Variants in IRAK1BP1 observed in about 807,000 individuals in gnomAD.
The protein encoded by IRAK1BP1 is interleukin 1 receptor associated kinase 1 binding protein 1.
Under a neutral mutation model 28.0 loss-of-function variants are expected in IRAK1BP1, and 24 were observed. That is an observed-to-expected ratio of 0.86 (90% CI 0.62 to 1.20). The LOEUF (loss-of-function observed/expected upper bound fraction) is 1.20, where lower values mean the gene tolerates loss of function less well. Among genes scored for constraint, IRAK1BP1 ranks in the 50% most tolerant of loss-of-function variants. The pLI is 0.00. For missense variants in IRAK1BP1, 336 were observed against 316.7 expected (o/e 1.06, Z -0.46); for synonymous variants, 131 against 116.3 (o/e 1.13, Z -0.81).
intron 2 of IRAK1BP1, among the ~76,000 whole-genome samples, chr6:78,888,946 T>C (rs115452283): frequency 0.075 from 11,444 of 151,626 alleles, 549 homozygotes; most frequent in African/African-American, 0.13. Context: ...GGTAAAACCC[T>C]TCTCTACAGA....
chr6:78,921,346 T>A (rs1772719855), intron 4 of IRAK1BP1, among the ~76,000 whole-genome samples: 1 of 152,098 alleles, frequency 6.6e-6, no homozygotes, highest in African/African-American at 2.4e-5. Context: ...CAGTCTGAGA[T>A]CAAACAGCAA....
At chr6:78,963,963 C>T in the IRAK1BP1 span, among the ~76,000 whole-genome samples, 3 of 151,108 alleles carry the variant, frequency 2.0e-5, no homozygotes, top group Non-Finnish European at 4.4e-5. Flanking sequence ...AGAACAACAA[C>T]AGTAACCACC....
chr6:78,932,509 C>T (rs1223930294), intron 4 of IRAK1BP1, among the ~76,000 whole-genome samples: 2 of 151,000 alleles, frequency 1.3e-5, no homozygotes, highest in Admixed American at 6.6e-5. Flanking sequence ...GCAACCTCCA[C>T]CTCCCAGGTT....
chr6:78,965,718 G>T, the IRAK1BP1 span: 2 of 1,558,980 alleles, frequency 1.3e-6, no homozygotes, highest in Non-Finnish European at 1.8e-6. Context: ...TTAGGTATAA[G>T]CTCCATATCC....
chr6:78,895,477 A>G (rs766957828), intron 2 of IRAK1BP1, among the ~76,000 whole-genome samples: 4 of 152,220 alleles, frequency 2.6e-5, no homozygotes, highest in African/African-American at 4.8e-5. Context: ...AAATTTAATG[A>G]TTTATACACA....
downstream of IRAK1BP1, among the ~76,000 whole-genome samples, chr6:78,904,495 C>T (rs561621791): frequency 1.3e-5 from 2 of 152,276 alleles, no homozygotes; most frequent in South Asian, 4.1e-4. Context: ...TTTTAGTAAA[C>T]AGATGCTTAA....
In IRAK1BP1 at chr6:78,898,066, G is replaced by A. The variant is rs766684116; in HGVS notation, c.515G>A (p.Arg172Gln). 2.9e-5 allele frequency: 47 copies of A among 1,608,002 alleles called. No homozygotes were observed. Among genetic ancestry groups the A allele is most frequent in the Admixed American group, 3.4e-5 (2 of 59,262 alleles). ...HTPGSVENLR[R>Q]QACLVAVENA... The stretch of plus-strand genomic sequence containing the variant: ...AATCTCTCCATTTAATTCCTAAGAC[G>A]GCAAGCCTGTCTTGTTGCTGTTGAG... The change falls in exon 4 of 4, where the codon CGG becomes CAG. Residue 172 changes from arginine to glutamine, a missense_variant and splice_region_variant. Physicochemically the swap from Arg to Gln is conservative, Grantham distance 43. Transcript: ENST00000369940.
chr6:78,917,202 A>G (rs1030025537), intron 4 of IRAK1BP1, among the ~76,000 whole-genome samples: 4 of 152,118 alleles, frequency 2.6e-5, no homozygotes, highest in Non-Finnish European at 5.9e-5. Flanking sequence ...GAAATGAAGG[A>G]AGAGATAAAC....
intron 1 of IRAK1BP1, among the ~76,000 whole-genome samples, chr6:78,877,705 G>A (rs557487083): frequency 4.9e-4 from 75 of 152,314 alleles, no homozygotes; most frequent in Middle Eastern, 3.4e-3. Flanking sequence ...CACCTTACCC[G>A]GGAAGTGCAA....
At chr6:78,972,602 C>A in the IRAK1BP1 span, among the ~76,000 whole-genome samples, 2 of 152,020 alleles carry the variant, frequency 1.3e-5, no homozygotes, top group African/African-American at 4.8e-5. Context: ...GACATTCAAA[C>A]CAAAGGCAAA....
intron 4 of IRAK1BP1, chr6:78,936,274 G>A (rs528884214): frequency 6.6e-6 from 1 of 151,856 alleles, no homozygotes; most frequent in African/African-American, 2.4e-5. Flanking sequence ...TCACCCTCTA[G>A]GTCAGTTACT....
In IRAK1BP1 at chr6:78,920,602, GC is replaced by G. The variant is rs376578098; in HGVS notation, c.*67+17493del. ...TCCACATGCAGAAGGTTGAAACCAG[GC>G]TCATTCCTTTCACCATATACAAAAA... On this transcript the variant is annotated intron_variant and NMD_transcript_variant, in intron 4 of 4. Transcript: ENST00000606868. Among the ~76,000 whole-genome samples the G allele has an allele frequency of 2.7e-4, 41 of 152,216 alleles. 1 individual carries two copies. Among genetic ancestry groups the G allele is most frequent in the African/African-American group, 8.9e-4 (37 of 41,532 alleles).
the IRAK1BP1 span, among the ~76,000 whole-genome samples, chr6:78,952,427 A>C: frequency 1.4e-5 from 2 of 139,700 alleles, no homozygotes; most frequent in Non-Finnish European, 1.6e-5. Context: ...CAAAAAAAAA[A>C]GAAAAAAAAA....
At chr6:78,912,301 A>C (rs189128482) in intron 4 of IRAK1BP1, among the ~76,000 whole-genome samples, 40 of 152,280 alleles carry the variant, frequency 2.6e-4, no homozygotes, top group Admixed American at 2.2e-3. Context: ...GACAAAAGAA[A>C]GTGGAAGGGG....
At chr6:78,951,271 A>G (rs1382477927), downstream of IRAK1BP1, among the ~76,000 whole-genome samples, 2 of 152,178 alleles carry the variant, frequency 1.3e-5, no homozygotes, top group South Asian at 2.1e-4. Flanking sequence ...TTCTTGGCTC[A>G]TATCTTGGGC....
At chr6:78,947,951 TC>T (rs11370597), downstream of IRAK1BP1, among the ~76,000 whole-genome samples, 60 of 150,858 alleles carry the variant, frequency 4.0e-4, 1 homozygote, top group East Asian at 4.7e-3. Context: ...TATTTCATAC[TC>T]CCCCCCCTTA....
rs114116257 is a variant in IRAK1BP1 at position 78,871,245 on chromosome 6, T to C, written c.315+3354T>C. ...CTCCAACTGTAGGCATAAAATGACC[T>C]CACAATGTCTGGTCCTCCCTCACAA... On this transcript the variant is annotated intron_variant, in intron 1 of 3. Transcript: ENST00000369940. The C allele has an allele frequency of 1.3e-3, 1,309 of 984,628 alleles. 10 individuals are homozygous for C. In the African/African-American group the frequency reaches 0.02, roughly 15 times the overall value. The allele number at this position is 984,628 out of a possible 1,614,324, so 61.0% of individuals were successfully genotyped here. A position where few individuals can be genotyped will look rare whatever the true frequency, so the allele number is the denominator to read the frequency against.
At chr6:78,954,999 G>C in the IRAK1BP1 span, 1 of 1,423,480 alleles carries the variant, frequency 7.0e-7, no homozygotes, top group Non-Finnish European at 9.4e-7. Context: ...TAATAAAAGA[G>C]CACTTACACA....
intron 1 of IRAK1BP1, among the ~76,000 whole-genome samples, chr6:78,879,508 G>A (rs956161578): frequency 1.3e-5 from 2 of 152,136 alleles, no homozygotes; most frequent in African/African-American, 4.8e-5. Flanking sequence ...ACAGTCAAAT[G>A]TCTGTATGCA....
Sources: allele counts gnomAD v4.1 joint callset (sites outside exome capture counted in the v4.1 genomes callset), GRCh38; gene constraint gnomAD v4.1.1; transcripts MANE v1.5; gene names NCBI Gene and HGNC (gene_info 2026-07-23, HGNC 2026-07-21).